TAFA2: variants seen among roughly 807,000 people sequenced by gnomAD.
The protein encoded by TAFA2 is TAFA chemokine like family member 2.
A neutral mutation model predicts 18.8 loss-of-function variants in TAFA2; 7 were observed. The observed-to-expected ratio is 0.37, with a 90% confidence interval of 0.21 to 0.70. The LOEUF (loss-of-function observed/expected upper bound fraction) is 0.70, where lower values mean the gene tolerates loss of function less well. Among genes scored for constraint, TAFA2 ranks in the 30% least tolerant of loss-of-function variants. The pLI, the probability that TAFA2 is intolerant of heterozygous loss-of-function variation, is 0.53. For synonymous variants in TAFA2, 60 were observed against 54.2 expected (o/e 1.11, Z -0.47); for missense variants, 122 against 158.1 (o/e 0.77, Z 1.23).
intron 4 of TAFA2, among the ~76,000 whole-genome samples, chr12:61,724,492 G>C (rs1156400938): frequency 6.6e-6 from 1 of 151,764 alleles, no homozygotes; most frequent in Non-Finnish European, 1.5e-5. Flanking sequence ...ATCCCCTGAA[G>C]AGTGTACACT....
chr12:61,794,457 A>C (rs1871110452), intron 2 of TAFA2, among the ~76,000 whole-genome samples: 1 of 152,048 alleles, frequency 6.6e-6, no homozygotes, highest in Non-Finnish European at 1.5e-5. Context: ...TTTAGGAGTA[A>C]ACCTGAGAAA....
At chr12:61,905,197 AT>A (rs10716159) in intron 1 of TAFA2, among the ~76,000 whole-genome samples, 41,509 of 151,982 alleles carry the variant, frequency 0.27, 6,107 homozygotes, top group East Asian at 0.44. Context: ...TAAAAAAGCT[AT>A]TTTATGACTA....
chr12:62,258,979 A>G (rs868479311), upstream of TAFA2: 3 of 184,956 alleles, frequency 1.6e-5, no homozygotes, highest in African/African-American at 7.2e-5. Flanking sequence ...CAAGGTTGGC[A>G]TGATAATGCA....
At chr12:62,077,072 AT>A (rs1164447455) in intron 1 of TAFA2, among the ~76,000 whole-genome samples, 1 of 152,222 alleles carries the variant, frequency 6.6e-6, no homozygotes, top group African/African-American at 2.4e-5. Flanking sequence ...ATCCTAGATA[AT>A]TATTTATGGA....
At chr12:62,045,883 A>G (rs1262433927) in intron 1 of TAFA2, among the ~76,000 whole-genome samples, 1 of 152,194 alleles carries the variant, frequency 6.6e-6, no homozygotes, top group African/African-American at 2.4e-5. Flanking sequence ...ACAGAGTGTC[A>G]ACAAAAGACA....
chr12:61,913,792 C>G (rs1440925658), intron 1 of TAFA2, among the ~76,000 whole-genome samples: 1 of 152,112 alleles, frequency 6.6e-6, no homozygotes, highest in Non-Finnish European at 1.5e-5. Context: ...GCTTCAAAGG[C>G]AATATTCCCA....
chr12:61,951,244 T>TC (rs1173974069), intron 1 of TAFA2, among the ~76,000 whole-genome samples: 7 of 152,270 alleles, frequency 4.6e-5, no homozygotes, highest in Admixed American at 3.3e-4. Flanking sequence ...TATAACGCTG[T>TC]AAGAGTGATG....
At chr12:61,981,511 A>G (rs1879635642) in intron 1 of TAFA2, among the ~76,000 whole-genome samples, 1 of 152,248 alleles carries the variant, frequency 6.6e-6, no homozygotes, top group South Asian at 2.1e-4. Flanking sequence ...CTACCATCAC[A>G]GTGAACAGGG....
At position 61,760,091 on chromosome 12, in the gene TAFA2, T is replaced by TTC. The variant is rs1555162663; in HGVS notation, c.107-5068_107-5067insGA. 3.5e-4 allele frequency among the ~76,000 whole-genome samples: 53 copies of TTC among 150,412 alleles called. No individual in the cohort carries two copies. In the South Asian group the frequency reaches 0.01, roughly 29 times the overall value. ...TGCCCAGTGCTTTTTTTTTTTTTTT[T>TTC]CACTGCCTATGAACAAAATGTAGAA... On this transcript the variant is annotated intron_variant, in intron 2 of 4. Transcript: ENST00000416284.
chr12:62,021,437 C>A (rs1256985979), intron 1 of TAFA2: 2 of 481,374 alleles, frequency 4.2e-6, no homozygotes, highest in African/African-American at 2.0e-5. Flanking sequence ...CCCCCTCCCA[C>A]CCTTTCCCCC....
At chr12:62,093,437 G>T (rs1203851385) in intron 1 of TAFA2, among the ~76,000 whole-genome samples, 1 of 151,948 alleles carries the variant, frequency 6.6e-6, no homozygotes, top group African/African-American at 2.4e-5. Flanking sequence ...ATTGTATATT[G>T]GCATTGCTAG....
intron 4 of TAFA2, among the ~76,000 whole-genome samples, chr12:61,713,872 A>T (rs1869526904): frequency 6.6e-6 from 1 of 152,212 alleles, no homozygotes; most frequent in African/African-American, 2.4e-5. Context: ...GATATGCAAG[A>T]TTTGCTTAAG....
chr12:62,039,622 A>G (rs1881705312), intron 1 of TAFA2, among the ~76,000 whole-genome samples: 1 of 152,162 alleles, frequency 6.6e-6, no homozygotes, highest in African/African-American at 2.4e-5. Flanking sequence ...CTCAATATCA[A>G]TGCTGCCTTT....
chr12:62,158,380 G>C (rs965961454), intron 1 of TAFA2, among the ~76,000 whole-genome samples: 1 of 152,146 alleles, frequency 6.6e-6, no homozygotes, highest in East Asian at 1.9e-4. Context: ...ACATTCTTTT[G>C]GTACTAGTCT....
intron 4 of TAFA2, among the ~76,000 whole-genome samples, chr12:61,724,248 C>T (rs1870034449): frequency 6.6e-6 from 1 of 152,068 alleles, no homozygotes. Context: ...GGGTTTCCCC[C>T]TCATAATAGT....
In TAFA2 at chr12:61,950,404, TCTC is replaced by T. The variant is rs1878426266; in HGVS notation, c.-1-82981_-1-82979del. Reference sequence around the variant, plus strand: ...CTAACAGTGCACAAGGGTTTGGAATTCTCCACATTCTTGCCAACATTTATTTTC... The same window carrying T: ...CTAACAGTGCACAAGGGTTTGGAATTCACATTCTTGCCAACATTTATTTTC... On this transcript the variant is annotated intron_variant, in intron 1 of 4. Transcript: ENST00000416284. Among the ~76,000 whole-genome samples, 3 of 152,280 alleles carry T rather than the reference TCTC, an allele frequency of 2.0e-5. No homozygotes were observed. The South Asian group carries it at 6.2e-4, about 32-fold the overall frequency.
At chr12:61,880,010 G>A in intron 1 of TAFA2, 7 of 762,776 alleles carry the variant, frequency 9.2e-6, no homozygotes, top group Admixed American at 3.5e-5. Context: ...GCTGCATGAA[G>A]AGGAGATCTG....
chr12:62,248,512 T>C (rs1185114394), intron 1 of TAFA2, among the ~76,000 whole-genome samples: 3 of 152,228 alleles, frequency 2.0e-5, no homozygotes, highest in Non-Finnish European at 4.4e-5. Context: ...TTTTTAAAAA[T>C]GTGTAAAACT....
intron 1 of TAFA2, among the ~76,000 whole-genome samples, chr12:61,950,688 T>C (rs576340223): frequency 3.0e-4 from 45 of 152,260 alleles, no homozygotes; most frequent in African/African-American, 8.4e-4. Flanking sequence ...ATATAATTTG[T>C]TCTGGTTTTT....
Sources: allele counts gnomAD v4.1 joint callset (sites outside exome capture counted in the v4.1 genomes callset), GRCh38; gene constraint gnomAD v4.1.1; transcripts MANE v1.5; gene names NCBI Gene and HGNC (gene_info 2026-07-23, HGNC 2026-07-21).